The following TKFC variants were observed in gnomAD, a reference collection of about 807,000 sequenced individuals.
TKFC encodes the protein triokinase/FMN cyclase.
TKFC carries 46 observed loss-of-function variants against 61.0 expected under a neutral mutation model. The ratio of observed to expected loss-of-function variants is 0.75; its 90% confidence interval spans 0.60 to 0.96. TKFC has a LOEUF of 0.96. Among genes scored for constraint, TKFC ranks in the 50% least tolerant of loss-of-function variants. The pLI is 0.00. For synonymous variants in TKFC, 314 were observed against 330.1 expected, an observed-to-expected ratio of 0.95 and a Z score of 0.53; for missense variants, 715 against 777.5, an observed-to-expected ratio of 0.92 and a Z score of 0.96.
At chr11:61,338,963 A>C (rs1217387579) in intron 3 of TKFC, 103 bp from the exon 4 acceptor site, 1 of 951,780 alleles carries the variant, frequency 1.1e-6, no homozygotes, top group Non-Finnish European at 1.6e-6. Flanking sequence ...CACCAAGCAC[A>C]CAGTAGGGCT....
chr11:61,346,498 A>G lies in TKFC; in HGVS notation c.1723A>G (p.Ser575Gly). Reference sequence around the variant, plus strand: ...CCGGGCCATCTTGGAGGTCTTGCAGAGCTAGGGTGTGTGACTGCCTCCCTT... The same window carrying G: ...CCGGGCCATCTTGGAGGTCTTGCAGGGCTAGGGTGTGTGACTGCCTCCCTT... ...ILRAILEVLQ[S>G] Residue 575 changes from serine to glycine, a missense_variant, in exon 18 of 18, where the codon AGC (serine) becomes GGC (glycine). Transcript: ENST00000394900. This position sits in a 1 kb window ranked among gnomAD's most constrained non-coding sequence, Gnocchi z 4.1. The G allele has an allele frequency of 6.3e-7, 1 of 1,599,574 alleles. No homozygotes were observed. Among genetic ancestry groups the G allele is most frequent in the Non-Finnish European group, 8.5e-7 (1 of 1,173,428 alleles).
Position 61,348,493 on chromosome 11 carries a change from T to C in TKFC, c.*1990T>C. 1.0e-6 allele frequency: 1 copy of C among 985,462 alleles called. No individual in the cohort carries two copies. The highest frequency in any genetic ancestry group is 1.2e-6 in the Non-Finnish European group (1 of 829,960). The allele number at this position is 985,462 out of a possible 1,614,324, so 61.0% of individuals were successfully genotyped here. A position where few individuals can be genotyped will look rare whatever the true frequency, so the allele number is the denominator to read the frequency against. On this transcript the variant is annotated 3_prime_UTR_variant, in exon 18 of 18. Coordinates refer to ENST00000394900, the MANE Select transcript of TKFC (RefSeq NM_015533.4). ...TCATTAGAGGGCTGTTATTAGAGAC[T>C]GAATGTTTGTGTCCCCCCCAAATTC...
At chr11:61,333,723 C>G (rs939780599) in intron 1 of TKFC, 2 of 152,198 alleles carry the variant, frequency 1.3e-5, no homozygotes, top group East Asian at 3.9e-4. Context: ...ACCAGTATTT[C>G]TCCGTAGGGA....
downstream of TKFC, chr11:61,350,492 A>C (rs1253924359): frequency 7.6e-6 from 12 of 1,581,704 alleles, 1 homozygote; most frequent in Middle Eastern, 3.3e-4. Context: ...CAAGCTGTTC[A>C]GACAGACCCC....
chr11:61,350,701 C>T, downstream of TKFC: 1 of 592,682 alleles, frequency 1.7e-6, no homozygotes, highest in Non-Finnish European at 2.9e-6. Context: ...CACAGTCAAG[C>T]CCTTCCTTGG....
downstream of TKFC, chr11:61,349,628 T>A (rs1463930789): frequency 1.4e-6 from 1 of 702,818 alleles, no homozygotes; most frequent in African/African-American, 1.7e-5. Flanking sequence ...GATCCAGGCC[T>A]CAGCTGTAGC....
rs1034284491 is a variant in TKFC at position 61,347,260 on chromosome 11, G to C, written c.*757G>C. On this transcript the variant is annotated 3_prime_UTR_variant, in exon 18 of 18. Transcript: ENST00000394900. ...AGTTGTAGATCAAAAAATGCAGCCA[G>C]GCCGGGCACGGTGGCTCACACCTGC... 37 of 985,344 alleles carry C rather than the reference G, an allele frequency of 3.8e-5. No individual in the cohort carries two copies. In the African/African-American group the frequency reaches 6.3e-4, roughly 17 times the overall value. 61.0% of individuals were successfully genotyped at this position (985,344 alleles called of 1,614,324 possible).
At position 61,333,259 on chromosome 11, in the gene TKFC, A is replaced by C. The variant is rs1211165589; in HGVS notation, c.-180A>C. 3.3e-6 allele frequency: 1 copy of C among 300,514 alleles called. No homozygotes were observed. The highest frequency in any genetic ancestry group is 6.1e-6 in the Non-Finnish European group (1 of 163,486). 18.6% of individuals were successfully genotyped at this position (300,514 alleles called of 1,614,324 possible). A position where few individuals can be genotyped will look rare whatever the true frequency, so the allele number is the denominator to read the frequency against. ...GCCCGCAGGACCCGGATGAGAGCGC[A>C]CGCTTCGGGGTCTCCGGGAAGTCGC... is the stretch of plus-strand genomic sequence containing the variant. On this transcript the variant is annotated 5_prime_UTR_variant, in exon 1 of 18. Coordinates refer to ENST00000394900, the MANE Select transcript of TKFC (RefSeq NM_015533.4).
chr11:61,351,359 G>A (rs938820898), downstream of TKFC: 50 of 415,326 alleles, frequency 1.2e-4, no homozygotes, highest in Middle Eastern at 1.4e-3. Flanking sequence ...GCACGATCTC[G>A]GCTCACTGCA....
chr11:61,336,866 C>T (rs1303281816), intron 2 of TKFC, among the ~76,000 whole-genome samples: 2 of 152,152 alleles, frequency 1.3e-5, no homozygotes, highest in Admixed American at 6.5e-5. Flanking sequence ...GCTGGTCACC[C>T]GTGCTTCCTG....
Position 61,339,563 on chromosome 11 carries a change from G to A in TKFC, c.486+128G>A. 12 of 1,081,718 alleles carry A rather than the reference G, an allele frequency of 1.1e-5. No homozygotes were observed. The South Asian group carries it at 2.0e-4, about 18-fold the overall frequency. 67.0% of individuals were successfully genotyped at this position (1,081,718 alleles called of 1,614,324 possible). A position where few individuals can be genotyped will look rare whatever the true frequency, so the allele number is the denominator to read the frequency against. On this transcript the variant is annotated intron_variant, in intron 5 of 17. Coordinates refer to ENST00000394900, the MANE Select transcript of TKFC (RefSeq NM_015533.4). ...TAGTTCTTTTTCTCCAGTGTTCCCT[G>A]ATCTCAGAAGGCCCCGCCATCCCCT... is the stretch of plus-strand genomic sequence containing the variant.
At chr11:61,339,536 G>T in intron 5 of TKFC, 101 bp downstream of exon 5, 1 of 1,347,084 alleles carries the variant, frequency 7.4e-7, no homozygotes, top group South Asian at 1.5e-5. Context: ...TCCCCAAGAA[G>T]CTAGTTCTTT....
Position 61,343,077 on chromosome 11 carries a change from CAT to C in TKFC, c.865+236_865+237del, listed in dbSNP as rs199863362. ...GTTTTGAGGATTAAGTGAGATTAAA[CAT>C]ATGTAAGACACTCAACACAGCGCCC... is the stretch of plus-strand genomic sequence containing the variant. On this transcript the variant is annotated intron_variant, in intron 10 of 17. Transcript: ENST00000394900. 274 of 613,662 alleles carry C rather than the reference CAT, an allele frequency of 4.5e-4. 3 individuals are homozygous for C. The East Asian group carries it at 7.3e-3, about 16-fold the overall frequency. 38.0% of individuals were successfully genotyped at this position (613,662 alleles called of 1,614,324 possible). A position where few individuals can be genotyped will look rare whatever the true frequency, so the allele number is the denominator to read the frequency against.
At chr11:61,333,429 C>T (rs915918321) in intron 1 of TKFC, 100 bp downstream of exon 1, 3 of 154,080 alleles carry the variant, frequency 1.9e-5, no homozygotes, top group African/African-American at 7.2e-5. Context: ...CTCCAGGAGC[C>T]CTCGGGCTGT....
downstream of TKFC, chr11:61,349,692 G>T (rs1197308445): frequency 2.8e-6 from 2 of 701,834 alleles, no homozygotes; most frequent in Admixed American, 2.0e-5. Flanking sequence ...ACACAGAGCA[G>T]CAATACGAAA....
At chr11:61,344,077 T>C (rs1856998302) in intron 12 of TKFC, 59 bp from the exon 13 acceptor site, 5 of 1,605,086 alleles carry the variant, frequency 3.1e-6, no homozygotes, top group Non-Finnish European at 4.3e-6. Context: ...CCCACCATAG[T>C]CAAGTGTGGT....
intron 1 of TKFC, 44 bp downstream of exon 1, chr11:61,333,373 G>C (rs1267658329): frequency 2.4e-5 from 4 of 164,026 alleles, no homozygotes; most frequent in African/African-American, 7.1e-5. Context: ...TCCCCACCCC[G>C]TTCCGCGCCC....
In TKFC at chr11:61,346,404, A is replaced by T; in HGVS notation, c.1629A>T (p.Arg543Ser). The T allele has an allele frequency of 6.2e-7, 1 of 1,612,510 alleles. No individual in the cohort carries two copies. Among genetic ancestry groups the T allele is most frequent in the East Asian group, 2.2e-5 (1 of 44,882 alleles). The change falls in exon 18 of 18, where the codon AGA becomes AGT. Residue 543 changes from arginine (R) to serine (S), a missense_variant. Arg to Ser is a moderately radical substitution (Grantham distance 110). Transcript: ENST00000394900. This position sits in a 1 kb window ranked among gnomAD's most constrained non-coding sequence, Gnocchi z 4.1. ...AGAATATGGAAGCTGGAGCCGGAAG[A>T]GCCAGTTATATCAGCTCAGCACGGC... is the stretch of plus-strand genomic sequence containing the variant. ...ATKNMEAGAGRASYISSARLE... is the reference protein window; with the variant it reads ...ATKNMEAGAGSASYISSARLE...
intron 10 of TKFC, chr11:61,343,102 C>T (rs1856945082): frequency 3.3e-6 from 2 of 610,244 alleles, no homozygotes; most frequent in Admixed American, 2.9e-5. Context: ...CAACACAGCG[C>T]CCAGCACCTG....
Sources: gnomAD v4.1 joint callset for allele counts (sites outside exome capture counted in the v4.1 genomes callset) on GRCh38, gnomAD v4.1.1 for gene constraint, Gnocchi (gnomAD v3.1) non-coding constraint, MANE v1.5 for transcripts, NCBI Gene and HGNC (gene_info 2026-07-23, HGNC 2026-07-21) for gene names.